TAF5: variants seen among roughly 807,000 people sequenced by gnomAD.
TAF5 encodes the protein transcription initiation factor TFIID subunit 5.
A neutral mutation model predicts 80.9 loss-of-function variants in TAF5; 20 were observed. The ratio of observed to expected loss-of-function variants is 0.25; its 90% CI spans 0.17 to 0.36. The LOEUF is 0.36. Ranked by LOEUF, TAF5 falls within the 10% of genes least tolerant of loss-of-function variation. The pLI, the probability that TAF5 is intolerant of heterozygous loss-of-function variation, is 1.00. For missense variants in TAF5, 863 were observed against 1,029.4 expected (o/e 0.84, Z 2.21); for synonymous variants, 388 against 406.4 (o/e 0.95, Z 0.55).
chr10:103,376,708 CAT>C (rs1229274015), intron 2 of TAF5, among the ~76,000 whole-genome samples: 1 of 151,986 alleles, frequency 6.6e-6, no homozygotes, highest in Non-Finnish European at 1.5e-5. Flanking sequence ...AAAACAAAAA[CAT>C]AGCCTGGGCA....
At chr10:103,387,868 C>A in intron 10 of TAF5, 138 bp from the exon 11 acceptor site, 1 of 1,083,246 alleles carries the variant, frequency 9.2e-7, no homozygotes, top group Non-Finnish European at 1.3e-6. Context: ...TGATAATGCT[C>A]CTTAGGAAGG....
rs2093387406 is a variant in TAF5 at position 103,383,262 on chromosome 10, C to T, written c.1559C>T (p.Ser520Leu). 6.3e-7 allele frequency: 1 copy of T among 1,593,258 alleles called. No individual in the cohort carries two copies. The highest frequency in any genetic ancestry group is 8.5e-7 in the Non-Finnish European group (1 of 1,173,732). Residue 520 changes from serine to leucine, a missense_variant, in exon 7 of 11, where the codon TCA (serine) becomes TTA (leucine). Transcript: ENST00000369839. Reference protein sequence around the residue: ...ASDLSLIDKESDDVLERIMDE... With the variant: ...ASDLSLIDKELDDVLERIMDE... ...GATCTTAGTCTTATAGACAAAGAATCAGATGATGTCTTAGAAAGAATCATG... is the reference window on the plus strand; with the variant it reads ...GATCTTAGTCTTATAGACAAAGAATTAGATGATGTCTTAGAAAGAATCATG...
At chr10:103,371,914 C>G (rs2093360324) in intron 1 of TAF5, among the ~76,000 whole-genome samples, 1 of 151,220 alleles carries the variant, frequency 6.6e-6, no homozygotes, top group Non-Finnish European at 1.5e-5. Flanking sequence ...CAGGTAGTTC[C>G]AGGAGAAATA....
Position 103,383,327 on chromosome 10 carries a change from C to A in TAF5, c.1624C>A (p.His542Asn). 1 of 1,604,254 alleles carries A rather than the reference C, an allele frequency of 6.2e-7. No homozygotes were observed. The highest frequency in any genetic ancestry group is 1.1e-5 in the South Asian group (1 of 89,240). ...AAGTGAGTTGAAGATTTTGTATGGT[C>A]ACAGTGGGCCTGTCTACGGAGCCAG... ...TASELKILYG[H>N]SGPVYGASFS... The change falls in exon 7 of 11, where the codon CAC (histidine) becomes AAC (asparagine). Residue 542 changes from histidine to asparagine, a missense_variant. His to Asn is a moderately conservative substitution (Grantham distance 68). Transcript: ENST00000369839.
intron 1 of TAF5, among the ~76,000 whole-genome samples, chr10:103,370,311 G>C (rs993204361): frequency 2.0e-5 from 3 of 147,212 alleles, no homozygotes; most frequent in Admixed American, 1.4e-4. Flanking sequence ...TCTATTAAAT[G>C]AGTGGTTATG....
chr10:103,373,346 T>C lies in TAF5; in HGVS notation c.560-12T>C, dbSNP rs1176973737. On this transcript the variant is annotated splice_polypyrimidine_tract_variant and intron_variant, in intron 1 of 10. Transcript: ENST00000369839. Reference sequence around the variant, plus strand: ...AGGTCATTTTCTTAAAAGTTTTTTGTTTTTTAAATAGTTGGAAGTGTTGCT... The same window carrying C: ...AGGTCATTTTCTTAAAAGTTTTTTGCTTTTTAAATAGTTGGAAGTGTTGCT... 2 of 1,609,742 alleles carry C rather than the reference T, an allele frequency of 1.2e-6. No homozygotes were observed. The highest frequency in any genetic ancestry group is 1.3e-5 in the African/African-American group (1 of 74,554).
chr10:103,380,030 A>C lies in TAF5; in HGVS notation c.1413+11A>C. The C allele has an allele frequency of 6.2e-7, 1 of 1,607,770 alleles. No individual in the cohort carries two copies. The highest frequency in any genetic ancestry group is 2.2e-5 in the East Asian group (1 of 44,768). On this transcript the variant is annotated intron_variant, in intron 5 of 10. Coordinates refer to ENST00000369839, the MANE Select transcript of TAF5 (RefSeq NM_006951.5). ...CTCAATGCTTACCAGGTTGGTAAAA[A>C]AATTGGGCGATTTCTGCCTGGAGAG...
rs145760716 is a variant in TAF5, at chr10:103,388,815, A to C, written c.*592A>C. 2.4e-4 allele frequency: 36 copies of C among 153,056 alleles called. No homozygotes were observed. Among genetic ancestry groups the C allele is most frequent in the African/African-American group, 8.4e-4 (35 of 41,446 alleles). The allele number at this position is 153,056 out of a possible 1,614,324, so 9.5% of individuals were successfully genotyped here. A position where few individuals can be genotyped will look rare whatever the true frequency, so the allele number is the denominator to read the frequency against. ...TACCTGTTGAGTTTTGAGTGCACCC[A>C]AACACTCGATAAACCAGGTGAAGAA... On this transcript the variant is annotated 3_prime_UTR_variant, in exon 11 of 11. Coordinates refer to ENST00000369839, the MANE Select transcript of TAF5 (RefSeq NM_006951.5).
At chr10:103,375,357 A>G (rs369433911) in intron 2 of TAF5, among the ~76,000 whole-genome samples, 1 of 151,992 alleles carries the variant, frequency 6.6e-6, no homozygotes, top group African/African-American at 2.4e-5. Flanking sequence ...TTGGCTAGGG[A>G]GGTGAGGGAG....
intron 1 of TAF5, among the ~76,000 whole-genome samples, chr10:103,369,419 C>T (rs1330065526): frequency 5.3e-5 from 8 of 151,634 alleles, no homozygotes; most frequent in Admixed American, 6.6e-5. Flanking sequence ...AGTACAGTGG[C>T]GTGATCTTAG....
In TAF5 at chr10:103,387,205, A is replaced by G. The variant is rs1192369394; in HGVS notation, c.1860A>G (p.Leu620=). 1.9e-6 allele frequency: 3 copies of G among 1,614,038 alleles called. No homozygotes were observed. Among genetic ancestry groups the G allele is most frequent in the African/African-American group, 2.7e-5 (2 of 74,924 alleles). ...RLWATDHYQP[L]RIFAGHLADV... is the part of the protein sequence containing the mutation. ...GGGCTACAGACCACTATCAGCCTTT[A>G]AGAATATTTGCCGGCCATCTTGCTG... The change falls in exon 9 of 11, where the codon TTA becomes TTG. Residue 620 remains leucine (L), a synonymous_variant. Coordinates refer to ENST00000369839, the MANE Select transcript of TAF5 (RefSeq NM_006951.5).
Position 103,368,109 on chromosome 10 carries a change from C to A in TAF5, c.120C>A (p.Thr40=), listed in dbSNP as rs1169641616. ...CAGGCGAGGGTAGCGGCGGCACTAC[C>A]AACAACGGCCCCAACGGCGGCGGCG... ...DGAGEGSGGT[T]NNGPNGGGGN... is the part of the protein sequence containing the mutation. Residue 40 remains threonine, a synonymous_variant, in exon 1 of 11, where the codon ACC becomes ACA. Transcript: ENST00000369839. The A allele has an allele frequency of 6.4e-6, 9 of 1,412,608 alleles. No individual in the cohort carries two copies. Among genetic ancestry groups the A allele is most frequent in the Non-Finnish European group, 8.3e-6 (9 of 1,085,620 alleles). The allele number at this position is 1,412,608 out of a possible 1,614,324, so 87.5% of individuals were successfully genotyped here.
At position 103,380,029 on chromosome 10, in the gene TAF5, A is replaced by C. The variant is rs2133631579; in HGVS notation, c.1413+10A>C. Reference sequence around the variant, plus strand: ...TCTCAATGCTTACCAGGTTGGTAAAAAAATTGGGCGATTTCTGCCTGGAGA... The same window carrying C: ...TCTCAATGCTTACCAGGTTGGTAAACAAATTGGGCGATTTCTGCCTGGAGA... On this transcript the variant is annotated intron_variant, in intron 5 of 10. Transcript: ENST00000369839. The C allele has an allele frequency of 6.2e-7, 1 of 1,607,882 alleles. No individual in the cohort carries two copies. The highest frequency in any genetic ancestry group is 2.2e-5 in the East Asian group (1 of 44,774).
In TAF5 at chr10:103,379,960, C is replaced by T. The variant is rs1471435791; in HGVS notation, c.1354C>T (p.Arg452Cys). 9.3e-6 allele frequency: 15 copies of T among 1,613,922 alleles called. No homozygotes were observed. The highest frequency in any genetic ancestry group is 1.3e-5 in the Non-Finnish European group (15 of 1,180,014). ...TATGAAAGAAACCACCAAACGAGTG[C>T]GCCTTGGGCCGGACTGCTTACCCTC... ...MNMKETTKRVRLGPDCLPSIC... is the reference protein window; with the variant it reads ...MNMKETTKRVCLGPDCLPSIC... Residue 452 changes from arginine (R) to cysteine (C), a missense_variant, in exon 5 of 11, where the codon CGC (arginine) becomes TGC (cysteine). Arg to Cys is a radical substitution (Grantham distance 180). Transcript: ENST00000369839.
chr10:103,385,301 A>AAT (rs1276438650), intron 7 of TAF5, 25 bp from the exon 8 acceptor site: 1 of 1,587,110 alleles, frequency 6.3e-7, no homozygotes, highest in East Asian at 2.3e-5. Context: ...CTGGGAGTCA[A>AAT]ATATATCACC....
rs947168268 is a variant in TAF5, at chr10:103,388,227, A to G, written c.*4A>G. On this transcript the variant is annotated 3_prime_UTR_variant, in exon 11 of 11. Transcript: ENST00000369839. Reference sequence around the variant, plus strand: ...AGGAGCTTATAGTCCACAATAAACCATCGGTATTAAAGACCTTTTGGAAGC... The same window carrying G: ...AGGAGCTTATAGTCCACAATAAACCGTCGGTATTAAAGACCTTTTGGAAGC... 1.6e-5 allele frequency: 26 copies of G among 1,610,440 alleles called. No individual in the cohort carries two copies. The East Asian group carries it at 2.5e-4, about 15-fold the overall frequency.
rs546534941 is a variant in TAF5, at chr10:103,388,262, T to A, written c.*39T>A. 2.1e-5 allele frequency: 32 copies of A among 1,541,834 alleles called. No homozygotes were observed. In the South Asian group the frequency reaches 3.1e-4, roughly 15 times the overall value. ...AAGACCTTTTGGAAGCTACTGTTTTTAAAAAGGGAGACTAAAAGCAAATAC... is the reference window on the plus strand; with the variant it reads ...AAGACCTTTTGGAAGCTACTGTTTTAAAAAAGGGAGACTAAAAGCAAATAC... On this transcript the variant is annotated 3_prime_UTR_variant, in exon 11 of 11. Transcript: ENST00000369839.
At chr10:103,376,049 T>G (rs2093369265) in intron 2 of TAF5, among the ~76,000 whole-genome samples, 1 of 140,334 alleles carries the variant, frequency 7.1e-6, no homozygotes, top group African/African-American at 2.5e-5. Flanking sequence ...AGAGTGAAAG[T>G]CTATCTCAAA....
rs751144325 is a variant in TAF5, at chr10:103,378,474, C to T, written c.1037C>T (p.Pro346Leu). The T allele has an allele frequency of 1.5e-5, 24 of 1,613,924 alleles. No homozygotes were observed. The highest frequency in any genetic ancestry group is 2.2e-5 in the East Asian group (1 of 44,904). ...HLYIDIFDGM[P>L]RSKQQIDAMV... The stretch of plus-strand genomic sequence containing the variant: ...TACATTGACATCTTTGATGGGATGC[C>T]GCGTAGTAAGCAACAGATAGATGCG... The change falls in exon 3 of 11, where the codon CCG becomes CTG. Residue 346 changes from proline to leucine, a missense_variant. Around this residue, in one of 3 missense-constraint regions of TAF5, gnomAD observed 128 missense variants for 232.2 expected, o/e 0.55. Coordinates refer to ENST00000369839, the MANE Select transcript of TAF5 (RefSeq NM_006951.5). This position sits in a 1 kb window ranked among gnomAD's most constrained non-coding sequence, Gnocchi z 4.1.
Sources: allele counts gnomAD v4.1 joint callset (sites outside exome capture counted in the v4.1 genomes callset), GRCh38; gene constraint gnomAD v4.1.1; regional missense constraint gnomAD v4.1.1; non-coding constraint Gnocchi (gnomAD v3.1); transcripts MANE v1.5; gene names NCBI Gene and HGNC (gene_info 2026-07-23, HGNC 2026-07-21).